Variants in ACOT1 observed in about 807,000 individuals in gnomAD.
The protein encoded by ACOT1 is acyl-CoA thioesterase 1.
In ACOT1, 8 loss-of-function variants were observed where a neutral mutation model predicts 15.7. The observed-to-expected ratio is 0.51, with a 90% CI of 0.30 to 0.92. The LOEUF is 0.92. Ranked by LOEUF, ACOT1 falls within the 40% of genes least tolerant of loss-of-function variation. The probability of loss-of-function intolerance (pLI) is 0.06; values close to 1 mark genes in which losing one functional copy is unlikely to be tolerated. For synonymous variants in ACOT1, 67 were observed against 241.2 expected (o/e 0.28, Z 6.69); for missense variants, 151 against 539.4 (o/e 0.28, Z 7.13).
At chr14:73,514,269 C>A in the ACOT1 span, 2 of 1,595,294 alleles carry the variant, frequency 1.3e-6, no homozygotes, top group South Asian at 1.1e-5. Flanking sequence ...CTTTTCACCC[C>A]ACTGCCTTAG....
the ACOT1 span, among the ~76,000 whole-genome samples, chr14:73,508,554 G>C: frequency 6.6e-6 from 1 of 152,060 alleles, no homozygotes; most frequent in Non-Finnish European, 1.5e-5. Flanking sequence ...TTCAAGACCA[G>C]CCTGGCCAAC....
At chr14:73,509,254 C>T in the ACOT1 span, 1 of 1,510,988 alleles carries the variant, frequency 6.6e-7, no homozygotes, top group African/African-American at 1.4e-5. Flanking sequence ...ACTGGGAAAG[C>T]TGATAGTGAG....
the ACOT1 span, among the ~76,000 whole-genome samples, chr14:73,524,817 CAT>C: frequency 2.6e-5 from 4 of 151,858 alleles, no homozygotes; most frequent in East Asian, 7.7e-4. Context: ...ACCATTATTC[CAT>C]ATGTTTCTAT....
At chr14:73,494,505 G>C in the ACOT1 span, among the ~76,000 whole-genome samples, 3 of 152,198 alleles carry the variant, frequency 2.0e-5, no homozygotes, top group East Asian at 5.8e-4. Flanking sequence ...AAAAATGATA[G>C]TTCTCCCTCC....
rs1460077372 is a variant in ACOT1, at chr14:73,538,682, AAAC to A, written c.457+807_457+809del. Reference sequence around the variant, plus strand: ...CATAATATTAAAAACAAACAAAACAAAACAAAAAAAACAGGCCGGACGCGGTGG... The same window carrying A: ...CATAATATTAAAAACAAACAAAACAAAAAAAAAACAGGCCGGACGCGGTGG... On this transcript the variant is annotated intron_variant, in intron 1 of 2. Coordinates refer to ENST00000311148, the MANE Select transcript of ACOT1 (RefSeq NM_001037161.2). Among the ~76,000 whole-genome samples the A allele has an allele frequency of 1.4e-4, 16 of 112,074 alleles. 4 individuals carry two copies. The highest frequency in any genetic ancestry group is 4.6e-4 in the African/African-American group (16 of 34,444). The allele number at this position is 112,074 out of a possible 152,430, so 73.5% of individuals were successfully genotyped here. A position where few individuals can be genotyped will look rare whatever the true frequency, so the allele number is the denominator to read the frequency against.
At position 73,538,530 on chromosome 14, in the gene ACOT1, A is replaced by T. The variant is rs1888956558; in HGVS notation, c.457+652A>T. 3.7e-5 allele frequency among the ~76,000 whole-genome samples: 4 copies of T among 107,124 alleles called. 2 individuals carry two copies. Among genetic ancestry groups the T allele is most frequent in the Non-Finnish European group, 8.0e-5 (4 of 50,126 alleles). The allele number at this position is 107,124 out of a possible 152,430, so 70.3% of individuals were successfully genotyped here. A position where few individuals can be genotyped will look rare whatever the true frequency, so the allele number is the denominator to read the frequency against. On this transcript the variant is annotated intron_variant, in intron 1 of 2. Transcript: ENST00000311148. Reference sequence around the variant, plus strand: ...CGGGACGCTGAGGCAGAAGAATGGCATGAACCCAGGAGGCGGAGTTTGCAG... The same window carrying T: ...CGGGACGCTGAGGCAGAAGAATGGCTTGAACCCAGGAGGCGGAGTTTGCAG...
chr14:73,543,704 A>G lies in ACOT1; in HGVS notation c.*49A>G. 2 of 757,332 alleles carry G rather than the reference A, an allele frequency of 2.6e-6. 1 individual carries two copies. Among genetic ancestry groups the G allele is most frequent in the Non-Finnish European group, 3.6e-6 (2 of 551,534 alleles). The allele number at this position is 757,332 out of a possible 1,614,324, so 46.9% of individuals were successfully genotyped here. ...TCTGTTGCTAATCTCTCCTGGAAAC[A>G]TCTGCCACATTTAGTGTGTGTATGT... On this transcript the variant is annotated 3_prime_UTR_variant, in exon 3 of 3. Transcript: ENST00000311148.
the ACOT1 span, among the ~76,000 whole-genome samples, chr14:73,524,313 AT>A: frequency 0.013 from 1,185 of 93,028 alleles, 10 homozygotes; most frequent in Non-Finnish European, 0.022. Context: ...AAAAAAAAAT[AT>A]ATATATATAT....
chr14:73,514,866 A>C, the ACOT1 span, among the ~76,000 whole-genome samples: 1 of 152,030 alleles, frequency 6.6e-6, no homozygotes, highest in African/African-American at 2.4e-5. Flanking sequence ...CAGGAGATCG[A>C]GACCATCCTG....
chr14:73,513,981 A>G, the ACOT1 span: 4 of 1,568,104 alleles, frequency 2.6e-6, no homozygotes, highest in Admixed American at 3.3e-5. Flanking sequence ...GTCCCAGATG[A>G]GAACCACTTC....
the ACOT1 span, among the ~76,000 whole-genome samples, chr14:73,531,769 C>G: frequency 8.0e-5 from 9 of 112,960 alleles, 4 homozygotes. Flanking sequence ...ACCTGTAATC[C>G]CAGCAACTTG....
chr14:73,542,258 A>G (rs2140314423), intron 2 of ACOT1, among the ~76,000 whole-genome samples: 1 of 108,454 alleles, frequency 9.2e-6, no homozygotes, highest in African/African-American at 3.1e-5. Context: ...TCGGCCTCCC[A>G]GAGTGCTGGA....
the ACOT1 span, chr14:73,492,699 A>AG: frequency 6.2e-7 from 1 of 1,613,944 alleles, no homozygotes. The surrounding 1 kb of genome is among the most constrained non-coding windows in gnomAD (Gnocchi z 4.9). Flanking sequence ...CTGGTGGGTG[A>AG]GGGGGGCCAT....
At chr14:73,495,653 T>C in the ACOT1 span, among the ~76,000 whole-genome samples, 10 of 152,170 alleles carry the variant, frequency 6.6e-5, no homozygotes. Flanking sequence ...CTGAGAACAT[T>C]GTTCTCTTAT....
the ACOT1 span, among the ~76,000 whole-genome samples, chr14:73,506,807 T>TTTTTTTTTTTTTTTTTTTTTG: frequency 9.8e-6 from 1 of 102,220 alleles, no homozygotes. Context: ...TTTAACTGTT[T>TTTTTTTTTTTTTTTTTTTTTG]TTTTTTTTTT....
the ACOT1 span, among the ~76,000 whole-genome samples, chr14:73,510,636 A>G: frequency 6.6e-6 from 1 of 152,000 alleles, no homozygotes; most frequent in Non-Finnish European, 1.5e-5. Context: ...AGGTTTCACC[A>G]TGTTGGCCAG....
the ACOT1 span, among the ~76,000 whole-genome samples, chr14:73,511,549 AAATAAATAAAT>A: frequency 5.4e-5 from 7 of 129,672 alleles, no homozygotes; most frequent in African/African-American, 1.1e-4. Context: ...ATAAATAAAT[AAATAAATAAAT>A]AAATAAAATA....
the ACOT1 span, chr14:73,523,229 T>G: frequency 5.7e-6 from 8 of 1,402,054 alleles, no homozygotes; most frequent in South Asian, 1.1e-4. Context: ...TGGCACCTGT[T>G]AAGGGAATGG....
At chr14:73,532,301 GATT>G (rs1437712712), upstream of ACOT1, among the ~76,000 whole-genome samples, 2 of 115,684 alleles carry the variant, frequency 1.7e-5, 1 homozygote, top group Non-Finnish European at 3.8e-5. Flanking sequence ...ATCCTGGCTA[GATT>G]ATTAGCCATT....
Sources: gnomAD v4.1 joint callset for allele counts (sites outside exome capture counted in the v4.1 genomes callset) on GRCh38, gnomAD v4.1.1 for gene constraint, Gnocchi (gnomAD v3.1) non-coding constraint, MANE v1.5 for transcripts, NCBI Gene and HGNC (gene_info 2026-07-23, HGNC 2026-07-21) for gene names.